Variants in HYDIN observed in about 807,000 individuals in gnomAD.
The protein encoded by HYDIN is axonemal central pair apparatus protein HYDIN.
A neutral mutation model predicts 403.9 loss-of-function variants in HYDIN; 132 were observed. That is an observed-to-expected ratio of 0.33 (90% CI 0.28 to 0.38). The LOEUF (loss-of-function observed/expected upper bound fraction) is 0.38, where lower values mean the gene tolerates loss of function less well. Ranked by LOEUF, HYDIN falls within the 10% of genes least tolerant of loss-of-function variation. The pLI, the probability that HYDIN is intolerant of heterozygous loss-of-function variation, is 1.00. For missense variants in HYDIN, 2,827 were observed against 5,009.5 expected (o/e 0.56, Z 13.15); for synonymous variants, 1,202 against 1,891.7 (o/e 0.64, Z 9.46).
intron 9 of HYDIN, among the ~76,000 whole-genome samples, chr16:71,124,312 C>CTA (rs2084368063): frequency 6.6e-6 from 1 of 152,234 alleles, no homozygotes; most frequent in African/African-American, 2.4e-5. Context: ...ACTTGCAGTT[C>CTA]TAGAGTTTTG....
Position 71,067,225 on chromosome 16 carries a change from G to A in HYDIN, c.2075+65C>T, listed in dbSNP as rs572058585. ...TGGGTTGGCAGGCCAGCTGCCTTCT[G>A]GGAGGCAGCCCATTACTGGAGGCTC... On this transcript the variant is annotated intron_variant, in intron 15 of 85. Transcript: ENST00000393567. 13 of 826,012 alleles carry A rather than the reference G, an allele frequency of 1.6e-5. No homozygotes were observed. The East Asian group carries it at 3.4e-4, about 22-fold the overall frequency. 51.2% of individuals were successfully genotyped at this position (826,012 alleles called of 1,614,324 possible). A position where few individuals can be genotyped will look rare whatever the true frequency, so the allele number is the denominator to read the frequency against.
At chr16:71,078,819 T>C (rs2082696375) in intron 13 of HYDIN, among the ~76,000 whole-genome samples, 1 of 152,342 alleles carries the variant, frequency 6.6e-6, no homozygotes, top group Non-Finnish European at 1.5e-5. Flanking sequence ...TCTTAATTGA[T>C]GTTGCCCAGA....
At chr16:71,069,079 T>A (rs1407544355) in intron 14 of HYDIN, among the ~76,000 whole-genome samples, 188 bp downstream of exon 14, 1 of 151,528 alleles carries the variant, frequency 6.6e-6, no homozygotes, top group Admixed American at 6.6e-5. Flanking sequence ...ACTGGCACAG[T>A]GCCCATTGCT....
At position 71,165,489 on chromosome 16, in the gene HYDIN, C is replaced by T. The variant is rs968276935; in HGVS notation, c.517-2759G>A. On this transcript the variant is annotated intron_variant, in intron 5 of 85. Coordinates refer to ENST00000393567, the MANE Select transcript of HYDIN (RefSeq NM_001270974.2). ...TCTTGCCCAGAGCCATCTAGTATAT[C>T]GTATATTCTACCTCCCCAGTGAGTG... Among the ~76,000 whole-genome samples, 7 of 150,164 alleles carry T rather than the reference C, an allele frequency of 4.7e-5. No individual in the cohort carries two copies. In the East Asian group the frequency reaches 1.4e-3, roughly 30 times the overall value.
At position 70,887,518 on chromosome 16, in the gene HYDIN, A is replaced by ATACAGCCC. The variant is rs1471538536; in HGVS notation, c.9774+2061_9774+2068dup. Among the ~76,000 whole-genome samples the ATACAGCCC allele has an allele frequency of 2.0e-5, 3 of 152,156 alleles. No homozygotes were observed. In the East Asian group the frequency reaches 5.8e-4, roughly 29 times the overall value. ...TCTTTCCTGGTGTCTCCAGAAAAGA[A>ATACAGCCC]TACAGCCCTTCCAACACCTTGATTT... On this transcript the variant is annotated intron_variant, in intron 58 of 85. Transcript: ENST00000393567.
chr16:71,114,551 G>A (rs186942222), intron 10 of HYDIN, among the ~76,000 whole-genome samples: 2 of 151,942 alleles, frequency 1.3e-5, no homozygotes, highest in African/African-American at 4.8e-5. Flanking sequence ...TGATTGGTGT[G>A]CTCACTGCTA....
intron 15 of HYDIN, chr16:71,066,763 G>C: frequency 2.5e-6 from 1 of 394,036 alleles, no homozygotes; most frequent in South Asian, 1.8e-5. Flanking sequence ...AGGAGTTGGA[G>C]ATGGTTCTGA....
intron 23 of HYDIN, among the ~76,000 whole-genome samples, chr16:71,014,957 AC>A (rs1442000477): frequency 8.6e-6 from 1 of 116,858 alleles, no homozygotes; most frequent in African/African-American, 3.8e-5. Flanking sequence ...TATTCCTGTT[AC>A]TCAGAATGTC....
Position 71,088,398 on chromosome 16 carries a change from T to A in HYDIN, c.1573A>T (p.Ile525Phe). Residue 525 changes from isoleucine (I) to phenylalanine (F), a missense_variant, in exon 12 of 86, where the codon ATC becomes TTC. Ile to Phe is a conservative substitution (Grantham distance 21). Coordinates refer to ENST00000393567, the MANE Select transcript of HYDIN (RefSeq NM_001270974.2). ...GIIEPSGVQA[I>F]QISFSSTILG... ...ATGGTAGAGCTGAAGGAGATCTGGA[T>A]AGCTTGGACTCCACTTGGTTCAATG... is the stretch of plus-strand genomic sequence containing the variant. 1.8e-6 allele frequency: 1 copy of A among 549,346 alleles called. No homozygotes were observed. Among genetic ancestry groups the A allele is most frequent in the Non-Finnish European group, 3.2e-6 (1 of 312,144 alleles). 34.0% of individuals were successfully genotyped at this position (549,346 alleles called of 1,614,324 possible).
In HYDIN at chr16:71,211,711, C is replaced by T. The variant is rs961566100; in HGVS notation, c.-24+18851G>A. The stretch of plus-strand genomic sequence containing the variant: ...TTCAAGACCACAAAGAATAAGAATA[C>T]CTACAGATAATATTTCAAGGACAGT... On this transcript the variant is annotated intron_variant, in intron 1 of 85. Transcript: ENST00000393567. 3.3e-5 allele frequency among the ~76,000 whole-genome samples: 5 copies of T among 150,454 alleles called. No individual in the cohort carries two copies. The South Asian group carries it at 1.0e-3, about 31-fold the overall frequency.
Position 70,807,878 on chromosome 16 carries a change from G to A in HYDIN, c.15068C>T (p.Pro5023Leu). Reference protein sequence around the residue: ...YIIPLFGMALPPKPQGPFSIR... With the variant: ...YIIPLFGMALLPKPQGPFSIR... The stretch of plus-strand genomic sequence containing the variant: ...CGAGAAGGGACCTTGGGGCTTGGGA[G>A]GCAGAGCCATTCCAAAGAGGGGGAT... Residue 5023 changes from proline (P) to leucine (L), a missense_variant, in exon 86 of 86, where the codon CCT (proline) becomes CTT (leucine). Pro to Leu is a moderately conservative substitution (Grantham distance 98). Transcript: ENST00000393567. 6.2e-7 allele frequency: 1 copy of A among 1,614,174 alleles called. No homozygotes were observed. Among genetic ancestry groups the A allele is most frequent in the South Asian group, 1.1e-5 (1 of 91,074 alleles).
At chr16:70,834,316 T>G in intron 78 of HYDIN, 152 bp from the exon 79 acceptor site, 1 of 579,494 alleles carries the variant, frequency 1.7e-6, no homozygotes, top group South Asian at 2.1e-5. Context: ...TTACTTCAAC[T>G]TTCTGTGACT....
chr16:70,984,753 T>C (rs1296461253), intron 28 of HYDIN, among the ~76,000 whole-genome samples: 18 of 145,450 alleles, frequency 1.2e-4, no homozygotes, highest in Non-Finnish European at 2.5e-4. Flanking sequence ...AACTGGTAGA[T>C]CAACATAATA....
intron 3 of HYDIN, among the ~76,000 whole-genome samples, chr16:71,184,527 G>C (rs972890667): frequency 6.6e-6 from 1 of 152,136 alleles, no homozygotes; most frequent in Non-Finnish European, 1.5e-5. Context: ...CAGATAAGGA[G>C]AGATTACTTG....
chr16:70,914,994 G>GT (rs960836092), intron 47 of HYDIN, among the ~76,000 whole-genome samples: 48 of 150,194 alleles, frequency 3.2e-4, no homozygotes, highest in African/African-American at 1.1e-3. Context: ...AGTTTTGATT[G>GT]TTTTTTATTT....
Position 70,850,432 on chromosome 16 carries a change from C to T in HYDIN, c.12651+16G>A, listed in dbSNP as rs769275647. On this transcript the variant is annotated intron_variant, in intron 74 of 85. Transcript: ENST00000393567. ...TGGAAGCTGAGATAGATAGCAAGGT[C>T]TTCTTACACCTTTACCTCATAGAAG... 1 of 1,222,648 alleles carries T rather than the reference C, an allele frequency of 8.2e-7. No individual in the cohort carries two copies. Among genetic ancestry groups the T allele is most frequent in the African/African-American group, 1.5e-5 (1 of 65,538 alleles). The allele number at this position is 1,222,648 out of a possible 1,614,324, so 75.7% of individuals were successfully genotyped here.
intron 18 of HYDIN, among the ~76,000 whole-genome samples, chr16:71,056,639 G>A (rs1481943446): frequency 6.6e-6 from 1 of 152,226 alleles, no homozygotes; most frequent in Non-Finnish European, 1.5e-5. Flanking sequence ...TGCCACATCT[G>A]GGAAGGGCTG....
At chr16:71,158,198 A>G (rs1476679526) in intron 6 of HYDIN, among the ~76,000 whole-genome samples, 2 of 152,146 alleles carry the variant, frequency 1.3e-5, no homozygotes, top group African/African-American at 2.4e-5. Flanking sequence ...GCACGAATCC[A>G]GGTTTTGATG....
intron 1 of HYDIN, among the ~76,000 whole-genome samples, chr16:71,223,727 A>T (rs191183718): frequency 6.6e-6 from 1 of 152,336 alleles, no homozygotes; most frequent in Admixed American, 6.5e-5. Context: ...AATATGAAAA[A>T]ATGCTCATCA....
Sources: gnomAD v4.1 joint callset for allele counts (sites outside exome capture counted in the v4.1 genomes callset) on GRCh38, gnomAD v4.1.1 for gene constraint, MANE v1.5 for transcripts, NCBI Gene and HGNC (gene_info 2026-07-23, HGNC 2026-07-21) for gene names.